Variants in SWAP70 observed in about 807,000 individuals in gnomAD.
The protein encoded by SWAP70 is switch-associated protein 70.
SWAP70 carries 34 observed loss-of-function variants against 80.2 expected under a neutral mutation model. That is an observed-to-expected ratio of 0.42 (90% CI 0.32 to 0.56). The LOEUF (loss-of-function observed/expected upper bound fraction) is 0.56. SWAP70 is among the 20% of genes least tolerant of loss of function. SWAP70 has a pLI of 0.09. For missense variants in SWAP70, 578 were observed against 690.7 expected (o/e 0.84, Z 1.83); for synonymous variants, 239 against 238.5 (o/e 1.00, Z -0.02).
At chr11:9,725,099 A>C in intron 4 of SWAP70, 1 of 520,168 alleles carries the variant, frequency 1.9e-6, no homozygotes, top group Non-Finnish European at 3.4e-6. Context: ...TCCTGGGTTC[A>C]AGGGATTCTC....
intron 4 of SWAP70, among the ~76,000 whole-genome samples, chr11:9,726,302 T>G (rs1851225099): frequency 6.6e-6 from 1 of 152,228 alleles, no homozygotes; most frequent in Non-Finnish European, 1.5e-5. Flanking sequence ...TGGTGATTCT[T>G]TGAAACTTCT....
At chr11:9,678,207 C>T (rs1850524251) in intron 1 of SWAP70, among the ~76,000 whole-genome samples, 1 of 152,114 alleles carries the variant, frequency 6.6e-6, no homozygotes, top group Non-Finnish European at 1.5e-5. Flanking sequence ...CAAAAACAAT[C>T]AATTTTTAAA....
In SWAP70 at chr11:9,752,834, A is replaced by G. The variant is rs1390600134; in HGVS notation, c.*2864A>G. ...AACATTCGTATGAAAACATTGTACAATGTAATATGCTCAACTTTCTCAATT... is the reference window on the plus strand; with the variant it reads ...AACATTCGTATGAAAACATTGTACAGTGTAATATGCTCAACTTTCTCAATT... On this transcript the variant is annotated 3_prime_UTR_variant, in exon 12 of 12. Transcript: ENST00000318950. 1 of 152,238 alleles carries G rather than the reference A, an allele frequency of 6.6e-6. No individual in the cohort carries two copies. The highest frequency in any genetic ancestry group is 1.5e-5 in the Non-Finnish European group (1 of 68,030). The allele number at this position is 152,238 out of a possible 1,614,324, so 9.4% of individuals were successfully genotyped here.
At chr11:9,692,220 AT>A (rs1554984336) in intron 1 of SWAP70, among the ~76,000 whole-genome samples, 24 of 234 alleles carry the variant, frequency 0.1, no homozygotes, top group Non-Finnish European at 0.26. Flanking sequence ...CACTTAAAAT[AT>A]ATATATATAT....
rs752060380 is a variant in SWAP70 at position 9,732,572 on chromosome 11, A to T, written c.942A>T (p.Pro314=). The change falls in exon 7 of 12, where the codon CCA becomes CCT. Residue 314 remains proline, a synonymous_variant. Coordinates refer to ENST00000318950, the MANE Select transcript of SWAP70 (RefSeq NM_015055.4). ...TIHLLKLGSP[P]PHKEARQRRK... ...ATCTGTTGAAGCTGGGCAGCCCTCCACCACACAAAGAAGCCCGCCAGCGTC... is the reference window on the plus strand; with the variant it reads ...ATCTGTTGAAGCTGGGCAGCCCTCCTCCACACAAAGAAGCCCGCCAGCGTC... The T allele has an allele frequency of 6.2e-7, 1 of 1,605,988 alleles. No homozygotes were observed. Among genetic ancestry groups the T allele is most frequent in the Non-Finnish European group, 8.5e-7 (1 of 1,175,596 alleles).
Position 9,713,699 on chromosome 11 carries a change from G to A in SWAP70, c.414+60G>A, listed in dbSNP as rs1590033404. 3 of 1,533,270 alleles carry A rather than the reference G, an allele frequency of 2.0e-6. No individual in the cohort carries two copies. In the East Asian group the frequency reaches 6.8e-5, roughly 35 times the overall value. 95.0% of individuals were successfully genotyped at this position (1,533,270 alleles called of 1,614,324 possible). A position where few individuals can be genotyped will look rare whatever the true frequency, so the allele number is the denominator to read the frequency against. ...TTTTAGCATTTAATAGACCTGGCTT[G>A]GTATTTTTTCTGTTAATTCAGCATA... On this transcript the variant is annotated intron_variant, in intron 3 of 11. Coordinates refer to ENST00000318950, the MANE Select transcript of SWAP70 (RefSeq NM_015055.4).
intron 7 of SWAP70, 85 bp from the exon 8 acceptor site, chr11:9,738,128 G>A: frequency 5.7e-6 from 5 of 877,650 alleles, no homozygotes; most frequent in Non-Finnish European, 6.7e-6. Flanking sequence ...GGCTTTTCCT[G>A]TACTTAAGTA....
chr11:9,716,314 T>A (rs1851065573), intron 3 of SWAP70, among the ~76,000 whole-genome samples: 1 of 152,142 alleles, frequency 6.6e-6, no homozygotes. Context: ...GAAGGCCAGA[T>A]GGGAAGAACC....
chr11:9,733,423 G>A, intron 7 of SWAP70, among the ~76,000 whole-genome samples: 1 of 152,152 alleles, frequency 6.6e-6, no homozygotes, highest in South Asian at 2.1e-4. Flanking sequence ...ATATGGGGGT[G>A]GCTCATAATC....
chr11:9,671,586 CTATATATAAATATATT>C (rs1565109600), intron 1 of SWAP70, among the ~76,000 whole-genome samples: 3 of 27,018 alleles, frequency 1.1e-4, no homozygotes, highest in Non-Finnish European at 1.8e-4. Flanking sequence ...AAATATATTT[CTATATATAAATATATT>C]TATATAGAAA....
At chr11:9,668,340 A>G (rs967721654) in intron 1 of SWAP70, among the ~76,000 whole-genome samples, 1 of 152,228 alleles carries the variant, frequency 6.6e-6, no homozygotes, top group Admixed American at 6.5e-5. Flanking sequence ...GAAATGTTAA[A>G]TCCCAGTTCA....
At chr11:9,671,521 TAAATATATAAATATATAG>T (rs1471632583) in intron 1 of SWAP70, among the ~76,000 whole-genome samples, 10 of 69,872 alleles carry the variant, frequency 1.4e-4, no homozygotes, top group African/African-American at 2.8e-4. Context: ...AATATATATA[TAAATATATAAATATATAG>T]AAATATATAG....
At chr11:9,722,292 C>G (rs1851149175) in intron 3 of SWAP70, among the ~76,000 whole-genome samples, 1 of 152,204 alleles carries the variant, frequency 6.6e-6, no homozygotes. Context: ...AGGTACCACG[C>G]TGAGCTTTGG....
intron 3 of SWAP70, among the ~76,000 whole-genome samples, chr11:9,721,305 C>T (rs1369177639): frequency 6.6e-6 from 1 of 152,102 alleles, no homozygotes; most frequent in Admixed American, 6.6e-5. Context: ...ATATCTCCAA[C>T]AAGAGAAAGA....
At chr11:9,706,475 C>T (rs1441320600) in intron 2 of SWAP70, among the ~76,000 whole-genome samples, 2 of 151,682 alleles carry the variant, frequency 1.3e-5, no homozygotes, top group Non-Finnish European at 2.9e-5. Flanking sequence ...AATTATAAAG[C>T]ATAATAAAAT....
intron 2 of SWAP70, among the ~76,000 whole-genome samples, chr11:9,707,886 A>T (rs79219146): frequency 0.12 from 18,269 of 151,864 alleles, 2,032 homozygotes; most frequent in African/African-American, 0.3. Flanking sequence ...TTAAAAAAAA[A>T]TTTTTTTAAA....
chr11:9,705,514 G>A (rs1383951956), intron 2 of SWAP70, among the ~76,000 whole-genome samples: 1 of 141,036 alleles, frequency 7.1e-6, no homozygotes, highest in Non-Finnish European at 1.5e-5. Flanking sequence ...CTGGTGATCT[G>A]TGTATACTTG....
rs972308821 is a variant in SWAP70, at chr11:9,665,903, C to CT, written c.99+1634dup. 7.4e-5 allele frequency among the ~76,000 whole-genome samples: 11 copies of CT among 149,450 alleles called. No homozygotes were observed. The East Asian group carries it at 7.9e-4, about 11-fold the overall frequency. On this transcript the variant is annotated intron_variant, in intron 1 of 11. Coordinates refer to ENST00000318950, the MANE Select transcript of SWAP70 (RefSeq NM_015055.4). The stretch of plus-strand genomic sequence containing the variant: ...TTTTAATAAATAGATGTAGCTGGGT[C>CT]TTTTTTTTTATTCATTCTGACAATC...
At chr11:9,689,614 T>C (rs1304804476) in intron 1 of SWAP70, among the ~76,000 whole-genome samples, 1 of 152,184 alleles carries the variant, frequency 6.6e-6, no homozygotes, top group Non-Finnish European at 1.5e-5. Flanking sequence ...TTAGAATGAT[T>C]TGGGGCAGTC....
Sources: allele counts gnomAD v4.1 joint callset (sites outside exome capture counted in the v4.1 genomes callset), GRCh38; gene constraint gnomAD v4.1.1; transcripts MANE v1.5; gene names NCBI Gene and HGNC (gene_info 2026-07-23, HGNC 2026-07-21).